PSMD14: variants seen among roughly 807,000 people sequenced by gnomAD.
PSMD14 encodes ubiquitin C-terminal hydrolase PSMD14.
Under a neutral mutation model 41.2 loss-of-function variants are expected in PSMD14, and 7 were observed. The ratio of observed to expected loss-of-function variants is 0.17; its 90% confidence interval spans 0.10 to 0.32. The LOEUF (loss-of-function observed/expected upper bound fraction) is 0.32. PSMD14 is among the 10% of genes least tolerant of loss of function. The probability of loss-of-function intolerance (pLI) is 1.00; values close to 1 mark genes in which losing one functional copy is unlikely to be tolerated. For missense variants in PSMD14, 139 were observed against 375.6 expected, an observed-to-expected ratio of 0.37 and a Z score of 5.21; for synonymous variants, 114 against 122.3, an observed-to-expected ratio of 0.93 and a Z score of 0.45.
chr2:161,378,041 G>A (rs1353173581), intron 7 of PSMD14, among the ~76,000 whole-genome samples: 1 of 151,932 alleles, frequency 6.6e-6, no homozygotes, highest in Admixed American at 6.6e-5. Flanking sequence ...TTCTAGATGT[G>A]ACATTAGCCA....
intron 10 of PSMD14, chr2:161,407,414 T>G (rs749782476): frequency 6.6e-6 from 1 of 152,144 alleles, no homozygotes; most frequent in Non-Finnish European, 1.5e-5. Flanking sequence ...CCTAATGATG[T>G]GTTGTAAATA....
At position 161,319,485 on chromosome 2, in the gene PSMD14, A is replaced by G. The variant is rs569932200; in HGVS notation, c.48+612A>G. On this transcript the variant is annotated intron_variant, in intron 3 of 11. Coordinates refer to ENST00000409682, the MANE Select transcript of PSMD14 (RefSeq NM_005805.6). The stretch of plus-strand genomic sequence containing the variant: ...CTAGATTTCTGCCTCAGGATAGTCT[A>G]TCTGCTTTCAGATCAAGAATTTGTG... 5.5e-4 allele frequency among the ~76,000 whole-genome samples: 84 copies of G among 152,238 alleles called. 1 individual carries two copies. Among genetic ancestry groups the G allele is most frequent in the African/African-American group, 2.0e-3 (82 of 41,576 alleles).
intron 9 of PSMD14, among the ~76,000 whole-genome samples, chr2:161,394,623 T>C (rs1290276952): frequency 6.6e-6 from 1 of 152,222 alleles, no homozygotes; most frequent in African/African-American, 2.4e-5. Context: ...TTGAAATGAA[T>C]AGGGCAAAGT....
At chr2:161,387,838 G>A (rs940428394) in intron 8 of PSMD14, among the ~76,000 whole-genome samples, 1 of 151,898 alleles carries the variant, frequency 6.6e-6, no homozygotes, top group African/African-American at 2.4e-5. Flanking sequence ...ACTTGACAGT[G>A]TTGAAATAAG....
At chr2:161,338,012 A>G (rs1682893146) in intron 3 of PSMD14, among the ~76,000 whole-genome samples, 1 of 152,226 alleles carries the variant, frequency 6.6e-6, no homozygotes, top group African/African-American at 2.4e-5. Context: ...TAACTCTCTG[A>G]CTACTTAATT....
chr2:161,316,389 CCTT>C (rs1419502107), intron 1 of PSMD14, 45 bp from the exon 2 acceptor site: 1 of 152,068 alleles, frequency 6.6e-6, no homozygotes, highest in Non-Finnish European at 1.5e-5. Context: ...AAGTTTTCCT[CCTT>C]AAATTATCAA....
chr2:161,360,813 G>A (rs996359459), intron 3 of PSMD14, among the ~76,000 whole-genome samples: 4 of 152,224 alleles, frequency 2.6e-5, no homozygotes, highest in African/African-American at 9.6e-5. Context: ...TAGGATTACA[G>A]GCGTGAGCCA....
intron 10 of PSMD14, among the ~76,000 whole-genome samples, chr2:161,399,515 T>A (rs1433260048): frequency 2.6e-5 from 4 of 152,140 alleles, no homozygotes; most frequent in Non-Finnish European, 5.9e-5. Flanking sequence ...GTAAGTTCTT[T>A]AATGCCGATT....
intron 8 of PSMD14, among the ~76,000 whole-genome samples, chr2:161,387,555 A>T (rs757401883): frequency 5.3e-5 from 8 of 152,138 alleles, no homozygotes; most frequent in Non-Finnish European, 8.8e-5. Context: ...AGTAGAGAAA[A>T]ATTATGATTC....
intron 10 of PSMD14, among the ~76,000 whole-genome samples, chr2:161,400,158 G>A (rs535254994): frequency 2.6e-5 from 4 of 152,282 alleles, no homozygotes; most frequent in African/African-American, 9.6e-5. Context: ...AAACAAGGTA[G>A]AAAGGTATGT....
chr2:161,308,836 C>T (rs1164071813), intron 1 of PSMD14: 1 of 152,526 alleles, frequency 6.6e-6, no homozygotes, highest in Non-Finnish European at 1.5e-5. Context: ...GCCGAATTCA[C>T]ATCATGGGAA....
intron 3 of PSMD14, among the ~76,000 whole-genome samples, chr2:161,329,976 G>A (rs1004504240): frequency 2.6e-5 from 4 of 152,140 alleles, no homozygotes; most frequent in Non-Finnish European, 5.9e-5. Context: ...TTTTCCATAG[G>A]TACATGATAG....
At chr2:161,313,338 TTTAA>T (rs201747223) in intron 1 of PSMD14, among the ~76,000 whole-genome samples, 2,524 of 152,250 alleles carry the variant, frequency 0.017, 28 homozygotes, top group Non-Finnish European at 0.026. Flanking sequence ...AAATTTTTAT[TTTAA>T]TTAATTAATT....
chr2:161,402,306 G>A (rs1038056143), intron 10 of PSMD14, among the ~76,000 whole-genome samples: 1 of 152,148 alleles, frequency 6.6e-6, no homozygotes, highest in South Asian at 2.1e-4. Flanking sequence ...GTGGGAGAAC[G>A]TTTTTGCAAA....
intron 7 of PSMD14, among the ~76,000 whole-genome samples, chr2:161,372,328 A>G (rs1683447314): frequency 6.6e-6 from 1 of 152,072 alleles, no homozygotes; most frequent in Admixed American, 6.6e-5. Flanking sequence ...TATCTATCAG[A>G]CCTGGAGTTT....
At position 161,327,981 on chromosome 2, in the gene PSMD14, T is replaced by TGTGTGTGTGA. The variant is rs1268803464; in HGVS notation, c.48+9111_48+9112insTGTGTGAGTG. ...GTGTGTGTGTGTGTGTGTGTGTGTG[T>TGTGTGTGTGA]GTGAGATGTTGGTTAGGAATTATAG... On this transcript the variant is annotated intron_variant, in intron 3 of 11. Transcript: ENST00000409682. Among the ~76,000 whole-genome samples, 120 of 149,022 alleles carry TGTGTGTGTGA rather than the reference T, an allele frequency of 8.1e-4. 2 individuals are homozygous for TGTGTGTGTGA. Among genetic ancestry groups the TGTGTGTGTGA allele is most frequent in the African/African-American group, 2.9e-3 (115 of 39,486 alleles).
At chr2:161,327,602 A>G (rs1286894623) in intron 3 of PSMD14, among the ~76,000 whole-genome samples, 6 of 152,198 alleles carry the variant, frequency 3.9e-5, no homozygotes, top group African/African-American at 1.2e-4. Flanking sequence ...AAAGATTCAT[A>G]ATTTGACTAC....
chr2:161,392,028 A>G lies in PSMD14; in HGVS notation c.645+850A>G, dbSNP rs1683719080. 2.0e-5 allele frequency among the ~76,000 whole-genome samples: 3 copies of G among 152,174 alleles called. No individual in the cohort carries two copies. The South Asian group carries it at 6.2e-4, about 31-fold the overall frequency. On this transcript the variant is annotated intron_variant, in intron 9 of 11. Coordinates refer to ENST00000409682, the MANE Select transcript of PSMD14 (RefSeq NM_005805.6). The stretch of plus-strand genomic sequence containing the variant: ...CATTTTATACCAGTTTTCAAGTTTG[A>G]TTAGTTTTTAACATTACCTGACGTT...
chr2:161,361,736 G>T (rs770703501), intron 3 of PSMD14, among the ~76,000 whole-genome samples: 1 of 152,166 alleles, frequency 6.6e-6, no homozygotes, highest in Non-Finnish European at 1.5e-5. Flanking sequence ...GAAAGGTAAG[G>T]TGAGTGAACC....
Sources: allele counts gnomAD v4.1 joint callset (sites outside exome capture counted in the v4.1 genomes callset), GRCh38; gene constraint gnomAD v4.1.1; transcripts MANE v1.5; gene names NCBI Gene and HGNC (gene_info 2026-07-23, HGNC 2026-07-21).